The following ZNF221 variants were observed in gnomAD, a reference collection of about 807,000 sequenced individuals.
ZNF221 encodes the protein zinc finger protein 221.
ZNF221 carries 10 observed loss-of-function variants against 12.6 expected under a neutral mutation model. The ratio of observed to expected loss-of-function variants is 0.79; its 90% CI spans 0.49 to 1.34. The LOEUF is 1.34. ZNF221 is among the 40% of genes most tolerant of loss of function. The pLI is 0.00. For synonymous variants in ZNF221, 232 were observed against 244.0 expected (o/e 0.95, Z 0.46); for missense variants, 661 against 721.4 (o/e 0.92, Z 0.96).
rs548489963 is a variant in ZNF221, at chr19:43,966,726, T to C, written c.1224T>C (p.Cys408=). Residue 408 remains cysteine (C), a synonymous_variant, in exon 5 of 5, where the codon TGT becomes TGC. Coordinates refer to ENST00000587682, the MANE Select transcript of ZNF221 (RefSeq NM_001297588.2). ...ECGKTFRWSS[C]LLNHQQVHSG... is the part of the protein sequence containing the mutation. ...GGAAGACCTTCAGATGGTCCTCATG[T>C]CTTTTGAACCATCAGCAAGTCCACA... is the stretch of plus-strand genomic sequence containing the variant. 9.3e-6 allele frequency: 15 copies of C among 1,614,242 alleles called. 1 individual carries two copies. In the South Asian group the frequency reaches 1.4e-4, roughly 15 times the overall value.
chr19:43,972,113 C>G (rs1308563067), downstream of ZNF221, among the ~76,000 whole-genome samples: 1 of 151,988 alleles, frequency 6.6e-6, no homozygotes, highest in Non-Finnish European at 1.5e-5. Context: ...AAAATTAAAA[C>G]AAAAATGAAA....
intron 4 of ZNF221, 47 bp downstream of exon 4, chr19:43,965,372 G>A: frequency 2.0e-6 from 3 of 1,521,044 alleles, no homozygotes; most frequent in South Asian, 1.2e-5. Flanking sequence ...TCTTCCATCT[G>A]TTTTACTTCT....
chr19:43,952,989 C>G (rs1974698423), intron 1 of ZNF221, among the ~76,000 whole-genome samples: 1 of 152,078 alleles, frequency 6.6e-6, no homozygotes, highest in African/African-American at 2.4e-5. Context: ...TTTTCTGAGA[C>G]AGAGTCTCAC....
the ZNF221 span, among the ~76,000 whole-genome samples, chr19:43,981,572 A>G: frequency 6.6e-6 from 1 of 152,218 alleles, no homozygotes; most frequent in Non-Finnish European, 1.5e-5. Flanking sequence ...CACTCAATGG[A>G]ATTTATGCAG....
intron 2 of ZNF221, among the ~76,000 whole-genome samples, chr19:43,963,627 A>T (rs754988709): frequency 7.9e-5 from 12 of 152,214 alleles, no homozygotes; most frequent in Admixed American, 1.3e-4. Flanking sequence ...AAGATTGGCC[A>T]ATCACTTGTG....
rs1265377199 is a variant in ZNF221, at chr19:43,967,022, A to G, written c.1520A>G (p.Lys507Arg). 3 of 1,597,484 alleles carry G rather than the reference A, an allele frequency of 1.9e-6. No individual in the cohort carries two copies. Among genetic ancestry groups the G allele is most frequent in the Non-Finnish European group, 2.6e-6 (3 of 1,169,500 alleles). ...CTCCACAGTGGGGAAAAACCTTTCA[A>G]ATGTGAAGAGTGTGGAAAGAGATTT... Reference protein sequence around the residue: ...QRLHSGEKPFKCEECGKRFTQ... With the variant: ...QRLHSGEKPFRCEECGKRFTQ... The change falls in exon 5 of 5, where the codon AAA becomes AGA. Residue 507 changes from lysine (K) to arginine (R), a missense_variant. Lys to Arg is a conservative substitution (Grantham distance 26). Transcript: ENST00000587682.
At chr19:43,974,921 G>C in the ZNF221 span, among the ~76,000 whole-genome samples, 1 of 152,034 alleles carries the variant, frequency 6.6e-6, no homozygotes, top group African/African-American at 2.4e-5. Flanking sequence ...AGCTACTTGG[G>C]AGGCTGAGGC....
intron 2 of ZNF221, among the ~76,000 whole-genome samples, chr19:43,964,613 TG>T (rs1351947962): frequency 3.6e-5 from 1 of 28,078 alleles, no homozygotes; most frequent in African/African-American, 6.5e-5. Context: ...TAAATGTTAC[TG>T]GGGCAATTGG....
At chr19:43,980,123 C>T in the ZNF221 span, among the ~76,000 whole-genome samples, 383 of 152,320 alleles carry the variant, frequency 2.5e-3, no homozygotes, top group African/African-American at 9.0e-3. Context: ...GCATCAAATT[C>T]CAGCTCAATC....
chr19:43,953,687 G>A (rs1568473935), intron 1 of ZNF221, among the ~76,000 whole-genome samples: 2 of 152,242 alleles, frequency 1.3e-5, no homozygotes, highest in East Asian at 3.9e-4. Context: ...AGATTCTAAG[G>A]ATTTTAGTTG....
chr19:43,962,949 T>G, intron 2 of ZNF221, 142 bp downstream of exon 2: 1 of 688,580 alleles, frequency 1.5e-6, no homozygotes, highest in Non-Finnish European at 2.3e-6. Context: ...TTTGCTGCTT[T>G]TGAATTGACT....
chr19:43,971,587 A>T (rs1338978820), downstream of ZNF221, among the ~76,000 whole-genome samples: 1 of 152,144 alleles, frequency 6.6e-6, no homozygotes, highest in Non-Finnish European at 1.5e-5. Context: ...TGGAAATCAG[A>T]AAAAAGCAGG....
chr19:43,965,902 A>G lies in ZNF221; in HGVS notation c.400A>G (p.Thr134Ala). ...ATGGGAACAAATTGCAAGTGACCTA[A>G]CCAGGTCTCAAAACTCCATAAGGAA... is the stretch of plus-strand genomic sequence containing the variant. ...QIWEQIASDL[T>A]RSQNSIRNSS... The change falls in exon 5 of 5, where the codon ACC becomes GCC. Residue 134 changes from threonine to alanine, a missense_variant. Physicochemically the swap from Thr to Ala is moderately conservative, Grantham distance 58 (BLOSUM62 0). Transcript: ENST00000587682. The G allele has an allele frequency of 6.2e-7, 1 of 1,614,212 alleles. No individual in the cohort carries two copies. Among genetic ancestry groups the G allele is most frequent in the Non-Finnish European group, 8.5e-7 (1 of 1,180,040 alleles).
rs144209644 is a variant in ZNF221, at chr19:43,965,235, A to G, written c.211A>G (p.Asn71Asp). The change falls in exon 4 of 5, where the codon AAT (asparagine) becomes GAT (aspartate). Residue 71 changes from asparagine (N) to aspartate (D), a missense_variant and splice_region_variant. By Grantham distance (23) the Asn-to-Asp change is conservative (BLOSUM62 1). Coordinates refer to ENST00000587682, the MANE Select transcript of ZNF221 (RefSeq NM_001297588.2). ...AGCATGTCACTGTGTGTTCACAGGG[A>G]ATCAACCATTCCACCAAGATACTTT... ...ENFRNLLSVG[N>D]QPFHQDTFHF... is the part of the protein sequence containing the mutation. 94 of 1,610,502 alleles carry G rather than the reference A, an allele frequency of 5.8e-5. No individual in the cohort carries two copies. In the African/African-American group the frequency reaches 1.0e-3, roughly 18 times the overall value.
downstream of ZNF221, among the ~76,000 whole-genome samples, chr19:43,969,334 C>CTTT (rs60512580): frequency 1.0e-4 from 6 of 57,998 alleles, no homozygotes; most frequent in African/African-American, 3.6e-4. Context: ...CAGACTGCTG[C>CTTT]TTTTTTTTTT....
the ZNF221 span, among the ~76,000 whole-genome samples, chr19:43,974,394 T>C: frequency 6.6e-6 from 1 of 151,972 alleles, no homozygotes. Context: ...ATTTGACAAA[T>C]GGGATCTAAT....
At chr19:43,972,068 A>G (rs1212965275), downstream of ZNF221, among the ~76,000 whole-genome samples, 1 of 152,208 alleles carries the variant, frequency 6.6e-6, no homozygotes, top group African/African-American at 2.4e-5. Context: ...CCATAGCACA[A>G]TCAAATTGAA....
chr19:43,968,347 T>A (rs887208938), downstream of ZNF221, among the ~76,000 whole-genome samples: 12 of 152,236 alleles, frequency 7.9e-5, no homozygotes, highest in Non-Finnish European at 1.6e-4. Context: ...TACAAATCTC[T>A]AATGATGGAC....
intron 1 of ZNF221, among the ~76,000 whole-genome samples, chr19:43,960,033 A>T (rs1247194940): frequency 6.6e-6 from 1 of 152,128 alleles, no homozygotes; most frequent in Admixed American, 6.6e-5. Flanking sequence ...GACTGATTAA[A>T]TAGCTGTGAC....
Sources: allele counts gnomAD v4.1 joint callset (sites outside exome capture counted in the v4.1 genomes callset), GRCh38; gene constraint gnomAD v4.1.1; transcripts MANE v1.5; gene names NCBI Gene and HGNC (gene_info 2026-07-23, HGNC 2026-07-21).